ZFYVE27: variants seen among roughly 807,000 people sequenced by gnomAD.
The protein encoded by ZFYVE27 is protrudin.
A neutral mutation model predicts 52.8 loss-of-function variants in ZFYVE27; 36 were observed. That is an observed-to-expected ratio of 0.68 (90% CI 0.52 to 0.90). The LOEUF (loss-of-function observed/expected upper bound fraction) is 0.90, where lower values mean the gene tolerates loss of function less well. Ranked by LOEUF, ZFYVE27 falls within the 40% of genes least tolerant of loss-of-function variation. The probability of loss-of-function intolerance (pLI) is 0.00; values close to 1 mark genes in which losing one functional copy is unlikely to be tolerated. For synonymous variants in ZFYVE27, 223 were observed against 215.6 expected (o/e 1.03, Z -0.30); for missense variants, 450 against 527.2 (o/e 0.85, Z 1.43).
intron 8 of ZFYVE27, 106 bp downstream of exon 8, chr10:97,751,568 C>T (rs1332353362): frequency 9.0e-7 from 1 of 1,114,728 alleles, no homozygotes; most frequent in Non-Finnish European, 1.3e-6. Flanking sequence ...GAAGCTAAAA[C>T]TTGCTGTGAG....
At chr10:97,737,521 C>T (rs1433591849) in intron 1 of ZFYVE27, among the ~76,000 whole-genome samples, 200 bp downstream of exon 1, 1 of 152,264 alleles carries the variant, frequency 6.6e-6, no homozygotes, top group African/African-American at 2.4e-5. Flanking sequence ...ATATACCTCG[C>T]CCCTTCCTGG....
At chr10:97,757,057 G>A (rs1590107916) in intron 10 of ZFYVE27, 1 of 614,864 alleles carries the variant, frequency 1.6e-6, no homozygotes, top group East Asian at 2.9e-5. Context: ...GCTATGTATG[G>A]CTGGAGACAT....
Position 97,747,270 on chromosome 10 carries a change from TACTG to T in ZFYVE27, c.456-995_456-992del, listed in dbSNP as rs374286855. Among the ~76,000 whole-genome samples, 253 of 152,328 alleles carry T rather than the reference TACTG, an allele frequency of 1.7e-3. 1 individual carries two copies. Among genetic ancestry groups the T allele is most frequent in the African/African-American group, 5.8e-3 (243 of 41,570 alleles). On this transcript the variant is annotated intron_variant, in intron 4 of 12. Transcript: ENST00000684270. Reference sequence around the variant, plus strand: ...TCAGGAGGCACCTGATGTCAGGAAATACTGACTTTGATCACTTGGTTAAGGCATC... The same window carrying T: ...TCAGGAGGCACCTGATGTCAGGAAATACTTTGATCACTTGGTTAAGGCATC...
chr10:97,746,685 T>A (rs2045522090), intron 4 of ZFYVE27, among the ~76,000 whole-genome samples: 1 of 151,524 alleles, frequency 6.6e-6, no homozygotes, highest in Non-Finnish European at 1.5e-5. Flanking sequence ...TTTTCCTTTT[T>A]TCTTTTTTTT....
At chr10:97,751,295 T>G (rs2046926778) in intron 7 of ZFYVE27, 96 bp from the exon 8 acceptor site, 2 of 1,386,256 alleles carry the variant, frequency 1.4e-6, no homozygotes, top group African/African-American at 1.4e-5. Context: ...TCGTGGTGTT[T>G]TGGGTAGCCT....
At chr10:97,738,456 T>C in intron 1 of ZFYVE27, 21 bp from the exon 2 acceptor site, 2 of 1,613,154 alleles carry the variant, frequency 1.2e-6, no homozygotes, top group Non-Finnish European at 1.7e-6. Context: ...ATGCAAATGT[T>C]GGGAATTATT....
Position 97,759,265 on chromosome 10 carries a change from G to T in ZFYVE27, c.1201G>T (p.Val401Leu). ...APEAQRETVF[V>L]CASCNQTLSK Reference sequence around the variant, plus strand: ...TGAAGCCCAGAGGGAGACTGTGTTTGTGTGTGCCTCGTGTAACCAGACCTT... The same window carrying T: ...TGAAGCCCAGAGGGAGACTGTGTTTTTGTGTGCCTCGTGTAACCAGACCTT... The change falls in exon 13 of 13, where the codon GTG (valine) becomes TTG (leucine). Residue 401 changes from valine to leucine, a missense_variant. Physicochemically the swap from Val to Leu is conservative, Grantham distance 32 (BLOSUM62 1). Coordinates refer to ENST00000684270, the MANE Select transcript of ZFYVE27 (RefSeq NM_001385875.1). 6.2e-7 allele frequency: 1 copy of T among 1,614,194 alleles called. No individual in the cohort carries two copies. The highest frequency in any genetic ancestry group is 8.5e-7 in the Non-Finnish European group (1 of 1,180,028).
chr10:97,756,810 G>A (rs1407664959), intron 10 of ZFYVE27, among the ~76,000 whole-genome samples: 1 of 152,232 alleles, frequency 6.6e-6, no homozygotes, highest in Non-Finnish European at 1.5e-5. Context: ...GTCTTCAGGG[G>A]ACAGAAAGCA....
At chr10:97,743,269 G>C in intron 3 of ZFYVE27, 105 bp downstream of exon 3, 1 of 1,312,026 alleles carries the variant, frequency 7.6e-7, no homozygotes, top group Non-Finnish European at 1.1e-6. Context: ...TGTTGCCCTG[G>C]AGTTAGTGTT....
chr10:97,754,572 T>TC (rs2047863362), intron 10 of ZFYVE27, among the ~76,000 whole-genome samples: 2 of 152,150 alleles, frequency 1.3e-5, no homozygotes, highest in Admixed American at 6.6e-5. Context: ...ACCTTGGTCT[T>TC]CCAAAGTGTT....
intron 4 of ZFYVE27, among the ~76,000 whole-genome samples, chr10:97,745,137 A>T (rs2044835683): frequency 6.7e-6 from 1 of 149,860 alleles, no homozygotes; most frequent in Non-Finnish European, 1.5e-5. Context: ...CTGGGATGAG[A>T]ATCTCGATCT....
At chr10:97,743,036 T>C in intron 2 of ZFYVE27, 58 bp from the exon 3 acceptor site, 2 of 1,581,436 alleles carry the variant, frequency 1.3e-6, no homozygotes, top group Non-Finnish European at 8.7e-7. Context: ...CTGCCTGGTC[T>C]CCCCTCCCCA....
intron 2 of ZFYVE27, among the ~76,000 whole-genome samples, chr10:97,739,631 C>A (rs1033749030): frequency 1.3e-5 from 2 of 152,110 alleles, no homozygotes; most frequent in Non-Finnish European, 2.9e-5. Flanking sequence ...GTTCATATTC[C>A]ATTTCCTCAG....
At chr10:97,742,943 G>A (rs1455092244) in intron 2 of ZFYVE27, 151 bp from the exon 3 acceptor site, 2 of 820,356 alleles carry the variant, frequency 2.4e-6, no homozygotes, top group Non-Finnish European at 4.2e-6. Flanking sequence ...CTGGTCACCA[G>A]TCCAAGTGAG....
chr10:97,739,155 C>G (rs1442467011), intron 2 of ZFYVE27, among the ~76,000 whole-genome samples: 1 of 150,052 alleles, frequency 6.7e-6, no homozygotes, highest in Non-Finnish European at 1.5e-5. Flanking sequence ...GGAATGCAGT[C>G]GTGTGAACAT....
In ZFYVE27 at chr10:97,737,217, A is replaced by T. The variant is rs565425611; in HGVS notation, c.-106A>T. ...ACTTCCGAACAACCCTGGCAGGAGG[A>T]GCGGCGTTCAGCCGGGGGAGGCCTG... On this transcript the variant is annotated 5_prime_UTR_variant, in exon 1 of 13. Transcript: ENST00000684270. The T allele has an allele frequency of 6.6e-6, 1 of 152,362 alleles. No homozygotes were observed. The highest frequency in any genetic ancestry group is 2.4e-5 in the African/African-American group (1 of 41,572). 9.4% of individuals were successfully genotyped at this position (152,362 alleles called of 1,614,324 possible). A position where few individuals can be genotyped will look rare whatever the true frequency, so the allele number is the denominator to read the frequency against.
At chr10:97,756,680 C>T (rs2048423604) in intron 10 of ZFYVE27, among the ~76,000 whole-genome samples, 1 of 152,180 alleles carries the variant, frequency 6.6e-6, no homozygotes, top group Admixed American at 6.5e-5. Context: ...TGCTCTGCGT[C>T]CCCCCATGCC....
chr10:97,751,788 G>T (rs1437843422), intron 8 of ZFYVE27, among the ~76,000 whole-genome samples: 1 of 152,170 alleles, frequency 6.6e-6, no homozygotes, highest in Non-Finnish European at 1.5e-5. Context: ...GGAGGCTACT[G>T]CCCTGGGTCT....
chr10:97,754,798 A>T, intron 10 of ZFYVE27: 1 of 1,289,348 alleles, frequency 7.8e-7, no homozygotes, highest in Non-Finnish European at 1.0e-6. Context: ...AACACTACAC[A>T]CAAGAAGTAT....
Sources: gnomAD v4.1 joint callset for allele counts (sites outside exome capture counted in the v4.1 genomes callset) on GRCh38, gnomAD v4.1.1 for gene constraint, MANE v1.5 for transcripts, NCBI Gene and HGNC (gene_info 2026-07-23, HGNC 2026-07-21) for gene names.